Variants in COQ8A observed in about 807,000 individuals in gnomAD.
COQ8A encodes atypical kinase COQ8A, mitochondrial.
Under a neutral mutation model 65.0 loss-of-function variants are expected in COQ8A, and 51 were observed. The ratio of observed to expected loss-of-function variants is 0.78; its 90% CI spans 0.63 to 0.99. The LOEUF (loss-of-function observed/expected upper bound fraction) is 0.99. Among genes scored for constraint, COQ8A ranks in the 50% least tolerant of loss-of-function variants. COQ8A has a pLI of 0.00. For synonymous variants in COQ8A, 371 were observed against 353.2 expected (o/e 1.05, Z -0.57); for missense variants, 940 against 875.0 (o/e 1.07, Z -0.94).
At chr1:226,963,322 G>A (rs191321134) in intron 2 of COQ8A, among the ~76,000 whole-genome samples, 3 of 152,342 alleles carry the variant, frequency 2.0e-5, no homozygotes, top group East Asian at 1.9e-4. Flanking sequence ...CCCTTCTCGC[G>A]AGGGGAGGAA....
At chr1:226,950,315 A>G (rs979856000) in intron 1 of COQ8A, among the ~76,000 whole-genome samples, 4 of 152,170 alleles carry the variant, frequency 2.6e-5, no homozygotes, top group Admixed American at 2.0e-4. Context: ...CCACAGGGCA[A>G]CTCACCCAGG....
intron 4 of COQ8A, among the ~76,000 whole-genome samples, chr1:226,970,222 G>A (rs1244353752): frequency 6.6e-6 from 1 of 152,158 alleles, no homozygotes; most frequent in African/African-American, 2.4e-5. Context: ...CAAAGTGCTG[G>A]GATTAAAGGC....
intron 1 of COQ8A, among the ~76,000 whole-genome samples, chr1:226,953,235 G>T (rs1270662250): frequency 6.6e-6 from 1 of 152,082 alleles, no homozygotes; most frequent in African/African-American, 2.4e-5. Flanking sequence ...TCACCATGTT[G>T]GTTAGGCTGG....
intron 4 of COQ8A, among the ~76,000 whole-genome samples, chr1:226,976,667 C>T (rs1171219005): frequency 1.3e-5 from 2 of 152,128 alleles, no homozygotes; most frequent in Non-Finnish European, 2.9e-5. Context: ...CTTCTGGGCT[C>T]CTGGGCAGGG....
chr1:226,950,864 A>T (rs890555518), intron 1 of COQ8A, among the ~76,000 whole-genome samples: 1 of 152,210 alleles, frequency 6.6e-6, no homozygotes, highest in East Asian at 1.9e-4. Context: ...AACAGTTCAA[A>T]GAAAAACCCC....
chr1:226,954,739 C>T (rs1165776569), intron 1 of COQ8A, among the ~76,000 whole-genome samples: 2 of 152,216 alleles, frequency 1.3e-5, no homozygotes, highest in Admixed American at 1.3e-4. Flanking sequence ...CCTGTCTGCT[C>T]AATCCTGAGC....
chr1:226,961,473 T>C lies in COQ8A; in HGVS notation c.88T>C (p.Leu30=), dbSNP rs1331770829. The change falls in exon 2 of 15, where the codon TTG becomes CTG. Residue 30 remains leucine (L), a synonymous_variant. Coordinates refer to ENST00000366777, the MANE Select transcript of COQ8A (RefSeq NM_020247.5). ...QAAVETHLQH[L]GIGGELIMAA... The stretch of plus-strand genomic sequence containing the variant: ...GGCCGTGGAAACCCACCTGCAGCAC[T>C]TGGGCATCGGAGGGGAGCTGATCAT... 5 of 1,613,852 alleles carry C rather than the reference T, an allele frequency of 3.1e-6. No homozygotes were observed. Among genetic ancestry groups the C allele is most frequent in the Non-Finnish European group, 4.2e-6 (5 of 1,179,976 alleles).
intron 4 of COQ8A, among the ~76,000 whole-genome samples, chr1:226,967,793 T>C (rs942128381): frequency 6.6e-6 from 1 of 152,210 alleles, no homozygotes; most frequent in Non-Finnish European, 1.5e-5. Flanking sequence ...TACGGAGCCA[T>C]CTGTGGGTGT....
intron 5 of COQ8A, among the ~76,000 whole-genome samples, chr1:226,981,074 T>C (rs1659656772): frequency 6.6e-6 from 1 of 152,150 alleles, no homozygotes; most frequent in Non-Finnish European, 1.5e-5. Context: ...TCTAACTAGA[T>C]TCACAGGACA....
chr1:226,979,817 A>T (rs959972978), intron 5 of COQ8A, among the ~76,000 whole-genome samples: 2 of 152,142 alleles, frequency 1.3e-5, no homozygotes, highest in African/African-American at 4.8e-5. Context: ...TAGCAAGGGT[A>T]TTTTTAGCGT....
At chr1:226,958,178 A>G (rs947584076) in intron 1 of COQ8A, 1 of 152,090 alleles carries the variant, frequency 6.6e-6, no homozygotes, top group Non-Finnish European at 1.5e-5. Flanking sequence ...GTTTCAGGAT[A>G]CTCCTCAGTA....
intron 4 of COQ8A, among the ~76,000 whole-genome samples, chr1:226,970,362 G>T (rs1658827241): frequency 6.6e-6 from 1 of 152,242 alleles, no homozygotes; most frequent in African/African-American, 2.4e-5. Context: ...GGTATAGCCT[G>T]CTACATGCCT....
At chr1:226,967,054 A>G (rs1658613985) in intron 4 of COQ8A, among the ~76,000 whole-genome samples, 1 of 152,118 alleles carries the variant, frequency 6.6e-6, no homozygotes, top group South Asian at 2.1e-4. Context: ...AGCCAAGAGT[A>G]TTTGCTTATT....
chr1:226,954,973 G>A (rs955378968), intron 1 of COQ8A, among the ~76,000 whole-genome samples: 7 of 152,140 alleles, frequency 4.6e-5, no homozygotes, highest in African/African-American at 1.7e-4. Context: ...CCGGGAGGAG[G>A]AGAGGAGGTG....
intron 1 of COQ8A, among the ~76,000 whole-genome samples, chr1:226,950,913 T>C (rs180900700): frequency 5.9e-5 from 9 of 151,532 alleles, no homozygotes; most frequent in Non-Finnish European, 1.0e-4. Context: ...CTTGAAGTCC[T>C]TAGCCTAGAA....
Position 226,949,927 on chromosome 1 carries a change from G to T in COQ8A, c.-10+9528G>T, listed in dbSNP as rs939060386. 3.9e-5 allele frequency among the ~76,000 whole-genome samples: 6 copies of T among 152,212 alleles called. No individual in the cohort carries two copies. The highest frequency in any genetic ancestry group is 1.4e-4 in the African/African-American group (6 of 41,458). ...ACTAGCAAGTCAGTGGCAGAGTCAT[G>T]ATGTGAACCCAGATCACCTAACCTC... is the stretch of plus-strand genomic sequence containing the variant. On this transcript the variant is annotated intron_variant, in intron 1 of 14. Transcript: ENST00000366777. The surrounding 1 kb of genome is among the most constrained non-coding windows in gnomAD (Gnocchi z 4.0).
At chr1:226,942,203 C>T (rs1451293414) in intron 1 of COQ8A, among the ~76,000 whole-genome samples, 4 of 152,034 alleles carry the variant, frequency 2.6e-5, no homozygotes, top group Non-Finnish European at 5.9e-5. Context: ...CCTGTGCTGC[C>T]AGGGGTCCCT....
Position 226,985,290 on chromosome 1 carries a change from G to A in COQ8A, c.1609G>A (p.Val537Met). 4 of 1,613,874 alleles carry A rather than the reference G, an allele frequency of 2.5e-6. No individual in the cohort carries two copies. Among genetic ancestry groups the A allele is most frequent in the Non-Finnish European group, 3.4e-6 (4 of 1,180,030 alleles). ...TGCTGCCGACAGGGACAGGGAGACT[G>A]TGCGGGCGAAATCCATAGAGATGAA... ...RAAADRDRET[V>M]RAKSIEMKFL... The change falls in exon 14 of 15, where the codon GTG becomes ATG. Residue 537 changes from valine (V) to methionine (M), a missense_variant. Coordinates refer to ENST00000366777, the MANE Select transcript of COQ8A (RefSeq NM_020247.5).
rs1558191686 is a variant in COQ8A at position 226,965,652 on chromosome 1, C to T, written c.589-19C>T. 6.2e-7 allele frequency: 1 copy of T among 1,613,924 alleles called. No individual in the cohort carries two copies. The stretch of plus-strand genomic sequence containing the variant: ...TCCCCTTGGCTGATTCCACAGGTCT[C>T]TTTCTCGTCTCCCTCCAGCTCAGCG... On this transcript the variant is annotated intron_variant, in intron 3 of 14. Transcript: ENST00000366777.
Sources: allele counts gnomAD v4.1 joint callset (sites outside exome capture counted in the v4.1 genomes callset), GRCh38; gene constraint gnomAD v4.1.1; non-coding constraint Gnocchi (gnomAD v3.1); transcripts MANE v1.5; gene names NCBI Gene and HGNC (gene_info 2026-07-23, HGNC 2026-07-21).